HS2ST1: variants seen among roughly 807,000 people sequenced by gnomAD.
HS2ST1 encodes the protein heparan sulfate 2-O-sulfotransferase 1.
A neutral mutation model predicts 42.9 loss-of-function variants in HS2ST1; 18 were observed. The observed-to-expected ratio is 0.42, with a 90% CI of 0.29 to 0.62. The LOEUF (loss-of-function observed/expected upper bound fraction) is 0.62, where lower values mean the gene tolerates loss of function less well. HS2ST1 is among the 20% of genes least tolerant of loss of function. HS2ST1 has a pLI of 0.21. For synonymous variants in HS2ST1, 146 were observed against 152.9 expected (o/e 0.95, Z 0.33); for missense variants, 334 against 433.8 (o/e 0.77, Z 2.04).
intron 1 of HS2ST1, among the ~76,000 whole-genome samples, chr1:87,015,974 G>A (rs962914513): frequency 9.2e-5 from 14 of 151,746 alleles, no homozygotes; most frequent in Middle Eastern, 6.8e-3. Context: ...GCACCACCAC[G>A]CCCTGATAAT....
At chr1:87,003,462 C>T (rs955024473) in intron 1 of HS2ST1, among the ~76,000 whole-genome samples, 2 of 152,126 alleles carry the variant, frequency 1.3e-5, no homozygotes, top group Non-Finnish European at 2.9e-5. Flanking sequence ...TCAGTGCTTA[C>T]GTTACCATTA....
At chr1:86,922,353 A>G (rs1660317563) in intron 1 of HS2ST1, among the ~76,000 whole-genome samples, 1 of 151,890 alleles carries the variant, frequency 6.6e-6, no homozygotes, top group Non-Finnish European at 1.5e-5. Flanking sequence ...TTTTAAAAAT[A>G]TATAAAATGT....
At chr1:86,961,204 C>G (rs1294868437) in intron 1 of HS2ST1, among the ~76,000 whole-genome samples, 3 of 151,516 alleles carry the variant, frequency 2.0e-5, no homozygotes, top group Non-Finnish European at 4.4e-5. Flanking sequence ...CCACTGTACC[C>G]CAGCCTGGGT....
chr1:87,006,722 T>C (rs539107044), intron 1 of HS2ST1, among the ~76,000 whole-genome samples: 1 of 152,134 alleles, frequency 6.6e-6, no homozygotes, highest in Non-Finnish European at 1.5e-5. Flanking sequence ...AAAGTTTGAA[T>C]CATTTTAGTC....
intron 1 of HS2ST1, among the ~76,000 whole-genome samples, chr1:87,042,855 A>C (rs1447835690): frequency 6.6e-6 from 1 of 152,130 alleles, no homozygotes. Context: ...TATAAGACTC[A>C]TAGGAATTTA....
At chr1:87,066,569 TAAA>T (rs1651255390) in intron 1 of HS2ST1, among the ~76,000 whole-genome samples, 2 of 152,280 alleles carry the variant, frequency 1.3e-5, no homozygotes, top group South Asian at 4.1e-4. Flanking sequence ...ATTTTTATCT[TAAA>T]AAATTTTTTT....
intron 1 of HS2ST1, among the ~76,000 whole-genome samples, chr1:86,948,773 A>T (rs1318995716): frequency 6.6e-6 from 1 of 152,216 alleles, no homozygotes; most frequent in Non-Finnish European, 1.5e-5. Flanking sequence ...TGTTATTAAA[A>T]TTTTTAGCAC....
chr1:86,963,165 ATTTT>A (rs796906264), intron 1 of HS2ST1, among the ~76,000 whole-genome samples: 1 of 144,088 alleles, frequency 6.9e-6, no homozygotes, highest in African/African-American at 2.5e-5. Context: ...TTTTTTTTGT[ATTTT>A]TTTTTTTTAA....
chr1:86,968,722 GTTC>G (rs1648141563), intron 1 of HS2ST1, among the ~76,000 whole-genome samples: 1 of 151,884 alleles, frequency 6.6e-6, no homozygotes, highest in South Asian at 2.1e-4. Flanking sequence ...CTCATAAGTG[GTTC>G]TTCTAACTTT....
intron 1 of HS2ST1, chr1:87,046,485 A>T: frequency 8.4e-7 from 1 of 1,186,986 alleles, no homozygotes; most frequent in Non-Finnish European, 1.3e-6. Flanking sequence ...GAATGGGCTA[A>T]ATCAACTGGA....
chr1:86,938,741 T>G (rs1660705940), intron 1 of HS2ST1, among the ~76,000 whole-genome samples: 1 of 152,204 alleles, frequency 6.6e-6, no homozygotes, highest in Non-Finnish European at 1.5e-5. Context: ...TTTCACAGTC[T>G]CAGAAAATAA....
At chr1:87,081,239 G>T (rs6675657) in intron 2 of HS2ST1, among the ~76,000 whole-genome samples, 4,109 of 152,174 alleles carry the variant, frequency 0.027, 195 homozygotes, top group African/African-American at 0.093. Flanking sequence ...AACATTTCAT[G>T]CAGTGACTGC....
At chr1:87,093,055 A>G (rs1471766123) in intron 4 of HS2ST1, among the ~76,000 whole-genome samples, 2 of 151,932 alleles carry the variant, frequency 1.3e-5, no homozygotes, top group Non-Finnish European at 2.9e-5. Flanking sequence ...TGAAGCAGCT[A>G]TTTTTTTCTG....
At position 86,914,756 on chromosome 1, in the gene HS2ST1, G is replaced by T; in HGVS notation, c.-281G>T. 2.1e-6 allele frequency: 1 copy of T among 471,596 alleles called. No homozygotes were observed. The highest frequency in any genetic ancestry group is 3.8e-6 in the Non-Finnish European group (1 of 262,970). 29.2% of individuals were successfully genotyped at this position (471,596 alleles called of 1,614,324 possible). On this transcript the variant is annotated 5_prime_UTR_variant, in exon 1 of 7. Coordinates refer to ENST00000370550, the MANE Select transcript of HS2ST1 (RefSeq NM_012262.4). Reference sequence around the variant, plus strand: ...TCGGGGACTGAGGCAGTAGAGGGAGGCGAGAGCCCGGCAGCCGCTTCGCGC... The same window carrying T: ...TCGGGGACTGAGGCAGTAGAGGGAGTCGAGAGCCCGGCAGCCGCTTCGCGC...
intron 1 of HS2ST1, among the ~76,000 whole-genome samples, chr1:87,003,775 T>C (rs929090246): frequency 1.3e-5 from 2 of 152,176 alleles, no homozygotes; most frequent in African/African-American, 4.8e-5. Flanking sequence ...AAAATTTTCA[T>C]TGTATTAGGT....
intron 1 of HS2ST1, among the ~76,000 whole-genome samples, chr1:86,985,477 C>T (rs1353544194): frequency 8.7e-6 from 1 of 115,170 alleles, no homozygotes; most frequent in Non-Finnish European, 1.8e-5. Flanking sequence ...CATATATACA[C>T]ATATATACAC....
At chr1:86,930,973 G>T (rs1208426389) in intron 1 of HS2ST1, among the ~76,000 whole-genome samples, 2 of 151,966 alleles carry the variant, frequency 1.3e-5, no homozygotes, top group African/African-American at 4.8e-5. Context: ...TGACTAGTTA[G>T]TGGGGGAAAG....
intron 1 of HS2ST1, among the ~76,000 whole-genome samples, chr1:86,968,652 T>C (rs1648135732): frequency 6.6e-6 from 1 of 152,092 alleles, no homozygotes; most frequent in Non-Finnish European, 1.5e-5. Context: ...GCATTCCTCC[T>C]ACCTCCGCCT....
intron 1 of HS2ST1, among the ~76,000 whole-genome samples, chr1:86,943,390 C>G (rs947695557): frequency 6.6e-6 from 1 of 152,148 alleles, no homozygotes; most frequent in East Asian, 1.9e-4. Flanking sequence ...ACTGAGAGAA[C>G]TTAATCCCAA....
Sources: allele counts gnomAD v4.1 joint callset (sites outside exome capture counted in the v4.1 genomes callset), GRCh38; gene constraint gnomAD v4.1.1; transcripts MANE v1.5; gene names NCBI Gene and HGNC (gene_info 2026-07-23, HGNC 2026-07-21).